The following OR3A2 variants were observed in gnomAD, a reference collection of about 807,000 sequenced individuals.
OR3A2 encodes olfactory receptor 3A2.
For synonymous variants in OR3A2, 126 were observed against 159.3 expected (o/e 0.79, Z 1.57); for missense variants, 318 against 392.8 (o/e 0.81, Z 1.61).
At chr17:3,287,015 C>T (rs779554164), upstream of OR3A2, among the ~76,000 whole-genome samples, 23 of 152,144 alleles carry the variant, frequency 1.5e-4, no homozygotes, top group Non-Finnish European at 2.8e-4. Context: ...ATGGTATTGC[C>T]TAGATTTTCT....
At chr17:3,322,442 T>C (rs555962353) in intron 3 of OR3A2, among the ~76,000 whole-genome samples, 1 of 152,344 alleles carries the variant, frequency 6.6e-6, no homozygotes, top group Non-Finnish European at 1.5e-5. Flanking sequence ...CTTGCTTCTC[T>C]AGTTCTTTTA....
intron 3 of OR3A2, among the ~76,000 whole-genome samples, chr17:3,305,256 T>C (rs1280020062): frequency 6.8e-6 from 1 of 147,656 alleles, no homozygotes; most frequent in Non-Finnish European, 1.5e-5. Context: ...TTCGTTTTTT[T>C]CCTTCACAGT....
In OR3A2 at chr17:3,349,896, C is replaced by G. The variant is rs570946401; in HGVS notation, c.-178-13770G>C. Among the ~76,000 whole-genome samples the G allele has an allele frequency of 6.2e-4, 95 of 152,044 alleles. No individual in the cohort carries two copies. In the South Asian group the frequency reaches 8.8e-3, roughly 14 times the overall value. Reference sequence around the variant, plus strand: ...AAGAATCTCACTCAAAACCACTCAACCATATGGAAACTGAACAACCTGCTC... The same window carrying G: ...AAGAATCTCACTCAAAACCACTCAAGCATATGGAAACTGAACAACCTGCTC... On this transcript the variant is annotated intron_variant, in intron 2 of 4. Coordinates refer to the OR3A2 transcript ENST00000573491.
intron 2 of OR3A2, among the ~76,000 whole-genome samples, chr17:3,358,285 GT>G (rs1203015856): frequency 1.3e-5 from 2 of 151,750 alleles, no homozygotes; most frequent in African/African-American, 2.4e-5. Context: ...CCTCAGTTCA[GT>G]TCTGATTTTT....
chr17:3,363,307 G>C (rs1465784276), intron 2 of OR3A2, among the ~76,000 whole-genome samples: 1 of 151,806 alleles, frequency 6.6e-6, no homozygotes, highest in Admixed American at 6.6e-5. Flanking sequence ...ATGCTTTGCT[G>C]CTTTGAAATT....
At chr17:3,310,642 C>T (rs1237624913) in intron 3 of OR3A2, 1 of 542,070 alleles carries the variant, frequency 1.8e-6, no homozygotes, top group African/African-American at 1.9e-5. Context: ...CACCTCCTGG[C>T]TGGGGCAGAC....
At chr17:3,296,392 A>C (rs1004783263) in intron 3 of OR3A2, among the ~76,000 whole-genome samples, 10 of 152,144 alleles carry the variant, frequency 6.6e-5, no homozygotes, top group African/African-American at 2.4e-4. Flanking sequence ...CAACGAAAGA[A>C]TTAAATGATC....
intron 3 of OR3A2, among the ~76,000 whole-genome samples, chr17:3,326,397 G>A (rs890650294): frequency 3.9e-5 from 6 of 152,132 alleles, no homozygotes; most frequent in South Asian, 2.1e-4. Flanking sequence ...ATAGGCATCG[G>A]CAAAGATTGT....
intron 2 of OR3A2, among the ~76,000 whole-genome samples, chr17:3,349,820 A>G (rs979736374): frequency 1.8e-4 from 28 of 152,148 alleles, no homozygotes; most frequent in African/African-American, 6.5e-4. Flanking sequence ...AACAGAAATT[A>G]TAACAAACTA....
At chr17:3,372,325 TC>T (rs1342230970) in intron 2 of OR3A2, among the ~76,000 whole-genome samples, 1 of 148,710 alleles carries the variant, frequency 6.7e-6, no homozygotes, top group African/African-American at 2.5e-5. Flanking sequence ...GCAGAGACAC[TC>T]CTCACTTTCC....
chr17:3,285,931 T>A (rs963383067), upstream of OR3A2, among the ~76,000 whole-genome samples: 3 of 152,226 alleles, frequency 2.0e-5, no homozygotes, highest in Non-Finnish European at 4.4e-5. Context: ...TCTTTTTAAA[T>A]ATACTCTAAG....
At chr17:3,304,891 G>A (rs1048789699) in intron 3 of OR3A2, among the ~76,000 whole-genome samples, 5 of 152,122 alleles carry the variant, frequency 3.3e-5, no homozygotes, top group Non-Finnish European at 7.4e-5. Flanking sequence ...AGTAAAGGAA[G>A]CCTTACATAA....
chr17:3,311,178 C>T lies in OR3A2; in HGVS notation c.-85+24855G>A, dbSNP rs750547928. On this transcript the variant is annotated intron_variant, in intron 3 of 4. Transcript: ENST00000573491. The surrounding 1 kb of genome is among the most constrained non-coding windows in gnomAD (Gnocchi z 4.6). ...CACTGTCATCAGCCCCATGCTGAAC[C>T]CACTCATCTACTGGACATCTCTGCT... 1 of 538,170 alleles carries T rather than the reference C, an allele frequency of 1.9e-6. No individual in the cohort carries two copies. Among genetic ancestry groups the T allele is most frequent in the Admixed American group, 1.9e-5 (1 of 51,778 alleles). The allele number at this position is 538,170 out of a possible 1,614,324, so 33.3% of individuals were successfully genotyped here.
chr17:3,306,715 C>T (rs1345168548), intron 3 of OR3A2, among the ~76,000 whole-genome samples: 3 of 141,204 alleles, frequency 2.1e-5, no homozygotes, highest in Non-Finnish European at 3.0e-5. Context: ...CTTTTATTTT[C>T]TCCACTTAAA....
At chr17:3,378,071 G>T (rs1439200044) in intron 2 of OR3A2, among the ~76,000 whole-genome samples, 1 of 152,204 alleles carries the variant, frequency 6.6e-6, no homozygotes, top group Non-Finnish European at 1.5e-5. Context: ...ACTTCACCTG[G>T]AACCGGCAGC....
chr17:3,302,448 C>T (rs1444993812), intron 3 of OR3A2, among the ~76,000 whole-genome samples: 2 of 152,164 alleles, frequency 1.3e-5, no homozygotes, highest in Non-Finnish European at 2.9e-5. Context: ...CACACATCTA[C>T]AACCATCTGA....
At chr17:3,296,591 T>C (rs2048920002) in intron 3 of OR3A2, among the ~76,000 whole-genome samples, 2 of 152,032 alleles carry the variant, frequency 1.3e-5, no homozygotes, top group Admixed American at 1.3e-4. Context: ...AAAACAACAA[T>C]TTATAAAGGA....
rs60298778 is a variant in OR3A2, at chr17:3,375,248, C to T, written c.-179+8556G>A. Among the ~76,000 whole-genome samples, 17 of 51,090 alleles carry T rather than the reference C, an allele frequency of 3.3e-4. 1 individual carries two copies. The highest frequency in any genetic ancestry group is 1.1e-3 in the African/African-American group (8 of 7,542). The allele number at this position is 51,090 out of a possible 152,430, so 33.5% of individuals were successfully genotyped here. ...TTTTTTTCTTTTTTTTTTTTTTTCCCCCCCTTTTTGAGATAGTCTCACTTG... is the reference window on the plus strand; with the variant it reads ...TTTTTTTCTTTTTTTTTTTTTTTCCTCCCCTTTTTGAGATAGTCTCACTTG... On this transcript the variant is annotated intron_variant, in intron 2 of 4. Coordinates refer to the OR3A2 transcript ENST00000573491.
chr17:3,298,220 T>A (rs1277484911), intron 3 of OR3A2: 2 of 152,158 alleles, frequency 1.3e-5, no homozygotes, highest in Non-Finnish European at 2.9e-5. Flanking sequence ...AACACTGGTC[T>A]ATGTTTCCAA....
Sources: gnomAD v4.1 joint callset for allele counts (sites outside exome capture counted in the v4.1 genomes callset) on GRCh38, gnomAD v4.1.1 for gene constraint, Gnocchi (gnomAD v3.1) non-coding constraint, MANE v1.5 for transcripts, NCBI Gene and HGNC (gene_info 2026-07-23, HGNC 2026-07-21) for gene names.